The following PRIM2 variants were observed in gnomAD, a reference collection of about 807,000 sequenced individuals.
The protein encoded by PRIM2 is DNA primase subunit 2.
In PRIM2, 39 loss-of-function variants were observed where a neutral mutation model predicts 67.3. The ratio of observed to expected loss-of-function variants is 0.58; its 90% CI spans 0.45 to 0.76. The LOEUF (loss-of-function observed/expected upper bound fraction) is 0.76, where lower values mean the gene tolerates loss of function less well. Among genes scored for constraint, PRIM2 ranks in the 30% least tolerant of loss-of-function variants. The pLI, the probability that PRIM2 is intolerant of heterozygous loss-of-function variation, is 0.00. For synonymous variants in PRIM2, 143 were observed against 198.7 expected (o/e 0.72, Z 2.36); for missense variants, 398 against 598.7 (o/e 0.66, Z 3.50).
chr6:57,478,114 G>A (rs1247483425), intron 7 of PRIM2, among the ~76,000 whole-genome samples: 4 of 152,156 alleles, frequency 2.6e-5, no homozygotes, highest in Non-Finnish European at 5.9e-5. Flanking sequence ...GGCACAGAAA[G>A]GTAAAGCAGT....
chr6:57,551,644 G>A (rs1441169479), intron 10 of PRIM2, among the ~76,000 whole-genome samples: 1 of 151,802 alleles, frequency 6.6e-6, no homozygotes, highest in African/African-American at 2.4e-5. Flanking sequence ...CTAGCTACTA[G>A]AGGTATAGCA....
intron 7 of PRIM2, among the ~76,000 whole-genome samples, chr6:57,473,709 G>C (rs1156521390): frequency 1.3e-5 from 2 of 152,106 alleles, no homozygotes; most frequent in Non-Finnish European, 2.9e-5. Flanking sequence ...CTGAGCTTCT[G>C]TGATAGTTTC....
intron 10 of PRIM2, among the ~76,000 whole-genome samples, chr6:57,573,860 C>T (rs1160377191): frequency 2.0e-5 from 3 of 152,132 alleles, no homozygotes; most frequent in South Asian, 2.1e-4. Flanking sequence ...CAAGTTGTAA[C>T]GAATTAAGCC....
At chr6:57,561,540 T>C (rs1775630320) in intron 10 of PRIM2, among the ~76,000 whole-genome samples, 1 of 152,162 alleles carries the variant, frequency 6.6e-6, no homozygotes. Flanking sequence ...GCCAATTCGC[T>C]CAAACTTTTC....
intron 10 of PRIM2, among the ~76,000 whole-genome samples, chr6:57,588,416 A>G (rs1195864651): frequency 0.39 from 53,226 of 137,908 alleles, 10,820 homozygotes; most frequent in East Asian, 0.64. Context: ...AGACGTGGAG[A>G]CCCTTTAACT....
At chr6:57,346,308 G>A (rs1768675830) in intron 5 of PRIM2, among the ~76,000 whole-genome samples, 3 of 151,850 alleles carry the variant, frequency 2.0e-5, no homozygotes, top group South Asian at 2.1e-4. Flanking sequence ...AAGATACTGA[G>A]CTTTTAAATG....
rs149757674 is a variant in PRIM2 at position 57,409,394 on chromosome 6, C to T, written c.693+27226C>T. On this transcript the variant is annotated intron_variant, in intron 7 of 13. Coordinates refer to ENST00000615550, the MANE Select transcript of PRIM2 (RefSeq NM_000947.5). ...GTTTCACCGTGTTAGCCAGGATGGT[C>T]TCAATCTCCTGACCTCGTGATCGCC... Among the ~76,000 whole-genome samples, 1,322 of 152,298 alleles carry T rather than the reference C, an allele frequency of 8.7e-3. 21 individuals carry two copies. Among genetic ancestry groups the T allele is most frequent in the African/African-American group, 0.03 (1,258 of 41,550 alleles).
chr6:57,378,351 C>A (rs534451458), intron 5 of PRIM2, among the ~76,000 whole-genome samples: 3 of 151,868 alleles, frequency 2.0e-5, no homozygotes, highest in Non-Finnish European at 4.4e-5. Context: ...TAGACGTGAG[C>A]CACCGTGCCC....
intron 8 of PRIM2, among the ~76,000 whole-genome samples, chr6:57,529,863 T>C (rs1479403601): frequency 1.3e-5 from 2 of 152,230 alleles, no homozygotes; most frequent in Non-Finnish European, 2.9e-5. Flanking sequence ...CTTACACTTA[T>C]GGAGGATGGG....
At chr6:57,478,781 T>C (rs1269757574) in intron 7 of PRIM2, among the ~76,000 whole-genome samples, 2 of 152,282 alleles carry the variant, frequency 1.3e-5, no homozygotes, top group South Asian at 2.1e-4. Context: ...AAAGTAGTTA[T>C]CATTTTTTCC....
intron 7 of PRIM2, chr6:57,505,141 G>GAA (rs1295009386): frequency 6.6e-6 from 1 of 152,142 alleles, no homozygotes; most frequent in Non-Finnish European, 1.5e-5. Context: ...AAGAGCTTTG[G>GAA]AATAGCTTTA....
chr6:57,443,255 G>T (rs1187301063), intron 7 of PRIM2, among the ~76,000 whole-genome samples: 1 of 152,088 alleles, frequency 6.6e-6, no homozygotes, highest in East Asian at 1.9e-4. Context: ...AAATCTTTTG[G>T]GTAAGTACCC....
At chr6:57,363,420 G>T (rs1014567577) in intron 5 of PRIM2, among the ~76,000 whole-genome samples, 16 of 152,158 alleles carry the variant, frequency 1.1e-4, no homozygotes, top group Non-Finnish European at 2.2e-4. Context: ...TTAGTTTCAA[G>T]TGAAATGTGT....
the PRIM2 span, chr6:57,222,168 A>G: frequency 6.6e-6 from 1 of 152,186 alleles, no homozygotes; most frequent in Non-Finnish European, 1.5e-5. Flanking sequence ...TCGCTCTCTT[A>G]AGAATGATTA....
At chr6:57,229,597 C>T in the PRIM2 span, among the ~76,000 whole-genome samples, 5 of 152,026 alleles carry the variant, frequency 3.3e-5, no homozygotes, top group Admixed American at 1.3e-4. Flanking sequence ...AAGCAATTCT[C>T]TTGCCTTAGC....
chr6:57,353,309 A>G lies in PRIM2; in HGVS notation c.460-26592A>G, dbSNP rs563898328. ...GGAACTGTTTGGTTGATTAGTGTAC[A>G]TCAGAGCTATTGTTTGGTTTCTCTG... On this transcript the variant is annotated intron_variant, in intron 5 of 13. Coordinates refer to ENST00000615550, the MANE Select transcript of PRIM2 (RefSeq NM_000947.5). Among the ~76,000 whole-genome samples the G allele has an allele frequency of 1.9e-3, 288 of 152,288 alleles. 2 individuals are homozygous for G. Among genetic ancestry groups the G allele is most frequent in the Non-Finnish European group, 3.3e-3 (225 of 67,994 alleles).
intron 7 of PRIM2, among the ~76,000 whole-genome samples, chr6:57,395,763 T>C (rs1770497218): frequency 6.6e-6 from 1 of 152,162 alleles, no homozygotes; most frequent in Non-Finnish European, 1.5e-5. Flanking sequence ...AGAATGTCAA[T>C]TTGTGCTCTT....
chr6:57,341,215 G>C (rs1262972460), intron 5 of PRIM2, among the ~76,000 whole-genome samples: 1 of 152,166 alleles, frequency 6.6e-6, no homozygotes, highest in Non-Finnish European at 1.5e-5. Flanking sequence ...CTAGTTCAGT[G>C]ATTCTCAGTG....
intron 10 of PRIM2, among the ~76,000 whole-genome samples, chr6:57,565,613 C>T (rs1775721627): frequency 1.3e-5 from 2 of 152,156 alleles, no homozygotes; most frequent in Non-Finnish European, 2.9e-5. Context: ...TGGGTGCTGC[C>T]CTCCTACATT....
Sources: gnomAD v4.1 joint callset for allele counts (sites outside exome capture counted in the v4.1 genomes callset) on GRCh38, gnomAD v4.1.1 for gene constraint, MANE v1.5 for transcripts, NCBI Gene and HGNC (gene_info 2026-07-23, HGNC 2026-07-21) for gene names.